The following CSMD1 variants were observed in gnomAD, a reference collection of about 807,000 sequenced individuals.
CSMD1 encodes the protein CUB and Sushi multiple domains 1, also known as CUB and sushi domain-containing protein 1.
A neutral mutation model predicts 417.5 loss-of-function variants in CSMD1; 213 were observed. That is an observed-to-expected ratio of 0.51 (90% CI 0.46 to 0.57). CSMD1 has a LOEUF of 0.57. CSMD1 is among the 20% of genes least tolerant of loss of function. The pLI, the probability that CSMD1 is intolerant of heterozygous loss-of-function variation, is 0.00. For synonymous variants in CSMD1, 2,862 were observed against 1,736.8 expected (o/e 1.65, Z -16.11); for missense variants, 6,923 against 4,529.7 (o/e 1.53, Z -15.17).
intron 8 of CSMD1, among the ~76,000 whole-genome samples, chr8:3,609,585 T>C (rs1276240466): frequency 6.6e-6 from 1 of 152,112 alleles, no homozygotes; most frequent in Non-Finnish European, 1.5e-5. Flanking sequence ...AGGAATATTT[T>C]ACCAGCCTAA....
At chr8:3,448,910 G>C (rs1585180412) in intron 12 of CSMD1, among the ~76,000 whole-genome samples, 1 of 152,206 alleles carries the variant, frequency 6.6e-6, no homozygotes, top group African/African-American at 2.4e-5. Flanking sequence ...ACCTCCCTAT[G>C]TATGAATGAG....
rs965763205 is a variant in CSMD1 at position 4,148,160 on chromosome 8, G to C, written c.416-116061C>G. 3.9e-5 allele frequency among the ~76,000 whole-genome samples: 6 copies of C among 152,236 alleles called. No homozygotes were observed. The South Asian group carries it at 1.0e-3, about 26-fold the overall frequency. On this transcript the variant is annotated intron_variant, in intron 3 of 69. Transcript: ENST00000635120. ...GAAGCTCAACTTAGAGTCAATAACA[G>C]CTCCTGCCTAAGTCAGCTGGGACCA...
chr8:3,825,548 G>A (rs919249815), intron 5 of CSMD1, among the ~76,000 whole-genome samples: 2 of 151,324 alleles, frequency 1.3e-5, no homozygotes, highest in Non-Finnish European at 2.9e-5. Context: ...AGGTTCAGGG[G>A]TGTGGGGCTG....
chr8:3,247,435 C>G (rs1450273328), intron 26 of CSMD1, among the ~76,000 whole-genome samples: 1 of 152,194 alleles, frequency 6.6e-6, no homozygotes, highest in Non-Finnish European at 1.5e-5. Flanking sequence ...CTCCTTGTAT[C>G]TCTGACAAAC....
chr8:3,298,392 G>A lies in CSMD1; in HGVS notation c.3950+9303C>T, dbSNP rs115244292. Among the ~76,000 whole-genome samples the A allele has an allele frequency of 4.0e-3, 613 of 152,168 alleles. 3 individuals carry two copies. Among genetic ancestry groups the A allele is most frequent in the African/African-American group, 0.014 (590 of 41,518 alleles). On this transcript the variant is annotated intron_variant, in intron 25 of 69. Transcript: ENST00000635120. ...TAAATTATATCAGGAAATATCTAAC[G>A]GTATCAATGGGTGTGAAGATTGAGG...
intron 12 of CSMD1, among the ~76,000 whole-genome samples, chr8:3,456,504 G>A (rs1816151008): frequency 6.6e-6 from 1 of 152,156 alleles, no homozygotes; most frequent in African/African-American, 2.4e-5. Context: ...CCTTGTGAAT[G>A]ATGTCACCAT....
At chr8:3,881,376 C>CT (rs1389623451) in intron 5 of CSMD1, among the ~76,000 whole-genome samples, 1 of 151,054 alleles carries the variant, frequency 6.6e-6, no homozygotes, top group Non-Finnish European at 1.5e-5. Flanking sequence ...TGGCTTATGC[C>CT]TATAATCCCA....
intron 3 of CSMD1, among the ~76,000 whole-genome samples, chr8:4,102,463 G>C (rs1585317289): frequency 6.6e-6 from 1 of 152,130 alleles, no homozygotes; most frequent in Non-Finnish European, 1.5e-5. Flanking sequence ...GTCAGTTTCA[G>C]GCAGATATCA....
intron 3 of CSMD1, among the ~76,000 whole-genome samples, chr8:4,270,167 G>A (rs561270667): frequency 1.3e-5 from 2 of 152,184 alleles, no homozygotes; most frequent in African/African-American, 2.4e-5. Flanking sequence ...ACTTGAAGGA[G>A]GCAAGCGGTT....
chr8:4,520,713 G>C (rs1339168307), intron 2 of CSMD1, among the ~76,000 whole-genome samples: 2 of 152,052 alleles, frequency 1.3e-5, no homozygotes, highest in Non-Finnish European at 2.9e-5. Context: ...TCAGAATCCT[G>C]AACTTTTGTT....
intron 5 of CSMD1, among the ~76,000 whole-genome samples, chr8:3,929,969 T>C (rs886667518): frequency 2.0e-5 from 3 of 150,368 alleles, no homozygotes; most frequent in Admixed American, 6.6e-5. Context: ...GCACAGCCTA[T>C]ATGATTAAAT....
chr8:3,535,889 C>G (rs1230147931), intron 10 of CSMD1, among the ~76,000 whole-genome samples: 1 of 152,160 alleles, frequency 6.6e-6, no homozygotes, highest in Non-Finnish European at 1.5e-5. Context: ...AGGCTGGCCA[C>G]TAAGCTTCCC....
At chr8:3,389,842 G>C (rs895217425) in intron 17 of CSMD1, among the ~76,000 whole-genome samples, 1 of 152,136 alleles carries the variant, frequency 6.6e-6, no homozygotes, top group Non-Finnish European at 1.5e-5. Context: ...CCAATATTAT[G>C]CCATAATACT....
chr8:3,624,080 G>A (rs1796383202), intron 7 of CSMD1, among the ~76,000 whole-genome samples: 1 of 151,988 alleles, frequency 6.6e-6, no homozygotes, highest in Non-Finnish European at 1.5e-5. Flanking sequence ...GACACTTTTG[G>A]TTAATAAAAA....
intron 5 of CSMD1, among the ~76,000 whole-genome samples, chr8:3,942,580 T>C (rs1448841401): frequency 2.6e-5 from 4 of 152,122 alleles, no homozygotes; most frequent in South Asian, 2.1e-4. Flanking sequence ...CACAGAGAGA[T>C]AGATGTAGTT....
chr8:4,744,388 A>G (rs1810817393), intron 1 of CSMD1, among the ~76,000 whole-genome samples: 1 of 151,990 alleles, frequency 6.6e-6, no homozygotes. Context: ...CTCTTCTCCA[A>G]CCTCTCAGTT....
At chr8:4,385,139 C>G (rs1388161373) in intron 3 of CSMD1, among the ~76,000 whole-genome samples, 2 of 141,146 alleles carry the variant, frequency 1.4e-5, no homozygotes, top group African/African-American at 2.7e-5. Context: ...GTTGGCCAGG[C>G]TGGTCTTGAA....
Position 3,214,575 on chromosome 8 carries a change from G to T in CSMD1, c.4789C>A (p.Leu1597Ile), listed in dbSNP as rs758127644. 6.3e-7 allele frequency: 1 copy of T among 1,583,298 alleles called. No homozygotes were observed. Among genetic ancestry groups the T allele is most frequent in the Non-Finnish European group, 8.6e-7 (1 of 1,164,096 alleles). The change falls in exon 30 of 70, where the codon CTT becomes ATT. Residue 1597 changes from leucine to isoleucine, a missense_variant. By Grantham distance (5) the Leu-to-Ile change is conservative. Transcript: ENST00000635120. ...TYQCDSGYKI[L>I]DPSSITCVIG... is the part of the protein sequence containing the mutation. ...ACACAGGTGATGGATGAGGGGTCAAGAATCTTATAGCCAGAGTCACACTGG... is the reference window on the plus strand; with the variant it reads ...ACACAGGTGATGGATGAGGGGTCAATAATCTTATAGCCAGAGTCACACTGG...
At chr8:3,977,141 A>G (rs1813496436) in intron 5 of CSMD1, among the ~76,000 whole-genome samples, 1 of 152,112 alleles carries the variant, frequency 6.6e-6, no homozygotes, top group Non-Finnish European at 1.5e-5. Context: ...AACTTTCATG[A>G]TGAACATTTT....
Sources: allele counts gnomAD v4.1 joint callset (sites outside exome capture counted in the v4.1 genomes callset), GRCh38; gene constraint gnomAD v4.1.1; transcripts MANE v1.5; gene names NCBI Gene and HGNC (gene_info 2026-07-23, HGNC 2026-07-21).